IGF2BP2: variants seen among roughly 807,000 people sequenced by gnomAD.
IGF2BP2 encodes insulin-like growth factor 2 mRNA-binding protein 2.
A neutral mutation model predicts 75.8 loss-of-function variants in IGF2BP2; 17 were observed. The observed-to-expected ratio is 0.22, with a 90% CI of 0.15 to 0.34. The LOEUF (loss-of-function observed/expected upper bound fraction) is 0.34, where lower values mean the gene tolerates loss of function less well. Among genes scored for constraint, IGF2BP2 ranks in the 10% least tolerant of loss-of-function variants. The pLI, the probability that IGF2BP2 is intolerant of heterozygous loss-of-function variation, is 1.00. For synonymous variants in IGF2BP2, 288 were observed against 295.6 expected (o/e 0.97, Z 0.26); for missense variants, 516 against 772.4 (o/e 0.67, Z 3.93).
At chr3:185,732,583 G>A (rs1022075842) in intron 2 of IGF2BP2, among the ~76,000 whole-genome samples, 6 of 151,994 alleles carry the variant, frequency 3.9e-5, no homozygotes, top group African/African-American at 1.2e-4. Flanking sequence ...ATACTACAAG[G>A]ACCCTCCCTA....
At chr3:185,800,707 T>A (rs1321753505) in intron 2 of IGF2BP2, among the ~76,000 whole-genome samples, 1 of 69,940 alleles carries the variant, frequency 1.4e-5, no homozygotes, top group African/African-American at 7.9e-5. Context: ...ACTTGGTGAC[T>A]GAGCCAAAAA....
intron 12 of IGF2BP2, 59 bp from the exon 13 acceptor site, chr3:185,652,227 C>G: frequency 6.9e-7 from 1 of 1,449,050 alleles, no homozygotes; most frequent in Non-Finnish European, 9.5e-7. Context: ...GCCCCTCTTT[C>G]TTGTCTAAGT....
intron 2 of IGF2BP2, among the ~76,000 whole-genome samples, chr3:185,746,985 A>G (rs1385660286): frequency 2.0e-5 from 3 of 152,196 alleles, no homozygotes; most frequent in African/African-American, 7.2e-5. Flanking sequence ...GTGATTGGAC[A>G]AGAGGCAAAA....
Position 185,810,811 on chromosome 3 carries a change from CA to C in IGF2BP2, c.239+12341del, listed in dbSNP as rs1265034687. Among the ~76,000 whole-genome samples, 22 of 149,534 alleles carry C rather than the reference CA, an allele frequency of 1.5e-4. No individual in the cohort carries two copies. The South Asian group carries it at 3.9e-3, about 26-fold the overall frequency. On this transcript the variant is annotated intron_variant, in intron 2 of 15. Transcript: ENST00000382199. ...CAAAAAACAAAAACTAAAAAACAAA[CA>C]AAAAAAACAGAACTACTCAAGTTTT...
intron 7 of IGF2BP2, among the ~76,000 whole-genome samples, chr3:185,676,574 GCTGAGGTGGGA>G (rs1172711812): frequency 1.3e-5 from 2 of 151,832 alleles, no homozygotes; most frequent in Non-Finnish European, 2.9e-5. Context: ...TACTTGGGAG[GCTGAGGTGGGA>G]CTGCTTGAGC....
chr3:185,657,433 A>G, intron 11 of IGF2BP2, 31 bp from the exon 12 acceptor site: 1 of 1,538,426 alleles, frequency 6.5e-7, no homozygotes, highest in Non-Finnish European at 9.0e-7. Flanking sequence ...AGAAGACATC[A>G]TTCCAACCAG....
chr3:185,668,500 G>T (rs1314532272), intron 10 of IGF2BP2, among the ~76,000 whole-genome samples: 126 of 127,016 alleles, frequency 9.9e-4, no homozygotes, highest in African/African-American at 3.8e-3. Flanking sequence ...GAGAGAGAGA[G>T]AGAGAGAGAT....
intron 6 of IGF2BP2, 28 bp downstream of exon 6, chr3:185,689,327 A>T (rs765117340): frequency 6.2e-7 from 1 of 1,604,376 alleles, no homozygotes; most frequent in Non-Finnish European, 8.5e-7. Flanking sequence ...CCTCAGAAGG[A>T]AGCAAAGGAA....
intron 2 of IGF2BP2, among the ~76,000 whole-genome samples, chr3:185,748,000 C>T (rs929267397): frequency 3.3e-5 from 5 of 152,070 alleles, no homozygotes; most frequent in African/African-American, 9.7e-5. Flanking sequence ...CGACTACAGG[C>T]GCCTGCCACC....
chr3:185,776,700 AG>A (rs1734578567), intron 2 of IGF2BP2, among the ~76,000 whole-genome samples: 1 of 152,242 alleles, frequency 6.6e-6, no homozygotes, highest in African/African-American at 2.4e-5. Context: ...AAGGTAACGA[AG>A]ATGGACCACC....
At position 185,672,662 on chromosome 3, in the gene IGF2BP2, G is replaced by A. The variant is rs1352108865; in HGVS notation, c.1079C>T (p.Ala360Val). The A allele has an allele frequency of 1.2e-6, 2 of 1,614,124 alleles. No individual in the cohort carries two copies. The highest frequency in any genetic ancestry group is 1.7e-6 in the Non-Finnish European group (2 of 1,180,004). Reference sequence around the variant, plus strand: ...GAGGTTCAACCCTGGGATCAGATTGGCTTGTTGCTGGGAATAGAAATGGAG... The same window carrying A: ...GAGGTTCAACCCTGGGATCAGATTGACTTGTTGCTGGGAATAGAAATGGAG... ...ENDMLAVNQQ[A>V]NLIPGLNLSA... The change falls in exon 10 of 16, where the codon GCC becomes GTC. Residue 360 changes from alanine to valine, a missense_variant. Transcript: ENST00000382199.
intron 2 of IGF2BP2, among the ~76,000 whole-genome samples, chr3:185,786,781 T>C (rs1735953900): frequency 6.6e-6 from 1 of 152,152 alleles, no homozygotes; most frequent in Admixed American, 6.6e-5. Flanking sequence ...ACATTTTTTT[T>C]CATCAAAATC....
At chr3:185,659,644 ATGATTATAAGTG>A (rs1716090088) in intron 10 of IGF2BP2, among the ~76,000 whole-genome samples, 1 of 151,322 alleles carries the variant, frequency 6.6e-6, no homozygotes, top group Non-Finnish European at 1.5e-5. Context: ...CCAAAGTGAT[ATGATTATAAGTG>A]TGAGCCACTG....
chr3:185,677,497 T>G (rs1271189761), intron 7 of IGF2BP2, among the ~76,000 whole-genome samples: 1 of 152,094 alleles, frequency 6.6e-6, no homozygotes, highest in Non-Finnish European at 1.5e-5. Flanking sequence ...ACACAGAGAC[T>G]GTGAGAGGTG....
At chr3:185,698,159 A>G in intron 3 of IGF2BP2, 140 bp downstream of exon 3, 1 of 669,416 alleles carries the variant, frequency 1.5e-6, no homozygotes, top group East Asian at 2.7e-5. Context: ...CAGATCACAT[A>G]CATTAGGGTA....
intron 10 of IGF2BP2, among the ~76,000 whole-genome samples, chr3:185,671,517 C>T (rs1181353681): frequency 1.6e-5 from 2 of 122,180 alleles, no homozygotes; most frequent in Non-Finnish European, 3.2e-5. Context: ...AGCCTGGCGA[C>T]AGAGCAAGAC....
At chr3:185,728,152 CAA>C (rs1405902271) in intron 2 of IGF2BP2, 1 of 152,332 alleles carries the variant, frequency 6.6e-6, no homozygotes, top group Non-Finnish European at 1.5e-5. Flanking sequence ...CTATGAGAGG[CAA>C]AGTTACTGCT....
intron 2 of IGF2BP2, chr3:185,725,190 A>G (rs1401458474): frequency 6.6e-6 from 1 of 152,250 alleles, no homozygotes; most frequent in Non-Finnish European, 1.5e-5. Flanking sequence ...CCTGACCCAC[A>G]GAATCTGTGA....
intron 7 of IGF2BP2, among the ~76,000 whole-genome samples, chr3:185,677,098 G>A (rs192134835): frequency 1.2e-4 from 16 of 135,226 alleles, no homozygotes; most frequent in Non-Finnish European, 2.4e-4. Context: ...GAGAGAGAGA[G>A]AGAGAGAGAT....
Sources: gnomAD v4.1 joint callset for allele counts (sites outside exome capture counted in the v4.1 genomes callset) on GRCh38, gnomAD v4.1.1 for gene constraint, MANE v1.5 for transcripts, NCBI Gene and HGNC (gene_info 2026-07-23, HGNC 2026-07-21) for gene names.